TAFA2: variants seen among roughly 807,000 people sequenced by gnomAD.
TAFA2 encodes the protein chemokine-like protein TAFA-2.
TAFA2 carries 7 observed loss-of-function variants against 18.8 expected under a neutral mutation model. That is an observed-to-expected ratio of 0.37 (90% CI 0.21 to 0.70). TAFA2 has a LOEUF of 0.70. TAFA2 is among the 30% of genes least tolerant of loss of function. TAFA2 has a pLI of 0.53. For synonymous variants in TAFA2, 60 were observed against 54.2 expected (o/e 1.11, Z -0.47); for missense variants, 122 against 158.1 (o/e 0.77, Z 1.23).
At chr12:61,856,415 T>C (rs889689636) in intron 2 of TAFA2, among the ~76,000 whole-genome samples, 1 of 152,010 alleles carries the variant, frequency 6.6e-6, no homozygotes, top group African/African-American at 2.4e-5. Flanking sequence ...ACTTATCATC[T>C]TTAGTAATAA....
chr12:62,177,807 GT>G (rs1190229358), intron 1 of TAFA2, among the ~76,000 whole-genome samples: 2 of 151,972 alleles, frequency 1.3e-5, no homozygotes, highest in Non-Finnish European at 2.9e-5. Context: ...AGACCAGTTC[GT>G]TTCATCTCCT....
At chr12:61,945,005 AAG>A (rs1349626768) in intron 1 of TAFA2, among the ~76,000 whole-genome samples, 1 of 150,900 alleles carries the variant, frequency 6.6e-6, no homozygotes, top group East Asian at 2.0e-4. Flanking sequence ...ACAACCAAAA[AAG>A]AGAATTTTAG....
At chr12:61,998,931 T>C (rs1880289623) in intron 1 of TAFA2, among the ~76,000 whole-genome samples, 1 of 152,186 alleles carries the variant, frequency 6.6e-6, no homozygotes, top group African/African-American at 2.4e-5. Flanking sequence ...AGGCAGCAGC[T>C]CATATCCTGA....
chr12:61,897,407 C>G (rs550732958), intron 1 of TAFA2, among the ~76,000 whole-genome samples: 1 of 152,088 alleles, frequency 6.6e-6, no homozygotes, highest in Admixed American at 6.6e-5. Flanking sequence ...CTATAAAGAA[C>G]TGCCCAAGAC....
chr12:61,716,384 A>G (rs1219098414), intron 4 of TAFA2, among the ~76,000 whole-genome samples: 1 of 152,206 alleles, frequency 6.6e-6, no homozygotes, highest in Admixed American at 6.5e-5. Flanking sequence ...GGATATTATT[A>G]TGCCAAAAAA....
At chr12:62,257,044 A>G (rs989775455) in intron 1 of TAFA2, among the ~76,000 whole-genome samples, 3 of 152,130 alleles carry the variant, frequency 2.0e-5, no homozygotes, top group Admixed American at 1.3e-4. Flanking sequence ...TGGTTCCTGA[A>G]TATCAAAGAC....
At chr12:61,748,162 AGG>A (rs1202273685) in intron 4 of TAFA2, among the ~76,000 whole-genome samples, 2 of 151,950 alleles carry the variant, frequency 1.3e-5, no homozygotes, top group African/African-American at 4.8e-5. Flanking sequence ...GGAGGGAGAG[AGG>A]GAGGGAAGAT....
At chr12:62,228,510 A>G (rs2136982604) in intron 1 of TAFA2, among the ~76,000 whole-genome samples, 1 of 152,310 alleles carries the variant, frequency 6.6e-6, no homozygotes, top group South Asian at 2.1e-4. Context: ...CCAACAGTGC[A>G]TAAGCATTCC....
chr12:62,121,382 A>G (rs1364174340), intron 1 of TAFA2, among the ~76,000 whole-genome samples: 1 of 152,340 alleles, frequency 6.6e-6, no homozygotes, highest in Admixed American at 6.5e-5. Context: ...TCCAAAGTCC[A>G]CAATGATTTG....
intron 1 of TAFA2, among the ~76,000 whole-genome samples, chr12:62,091,556 T>C (rs1427616879): frequency 6.6e-6 from 1 of 151,938 alleles, no homozygotes; most frequent in Admixed American, 6.6e-5. Flanking sequence ...AAACTACCCA[T>C]GAAGCTGAGG....
At chr12:61,721,066 G>C in intron 4 of TAFA2, 1 of 408,174 alleles carries the variant, frequency 2.4e-6, no homozygotes, top group East Asian at 7.2e-5. Context: ...GCTCACAGTG[G>C]GGATAGGTTT....
intron 2 of TAFA2, among the ~76,000 whole-genome samples, chr12:61,761,186 G>A (rs1012421104): frequency 1.3e-5 from 2 of 151,930 alleles, no homozygotes; most frequent in African/African-American, 4.8e-5. Flanking sequence ...ATTTTGAAAC[G>A]AAGTCCCATA....
At chr12:62,084,876 G>A (rs1045388087) in intron 1 of TAFA2, among the ~76,000 whole-genome samples, 10 of 152,102 alleles carry the variant, frequency 6.6e-5, no homozygotes, top group Admixed American at 2.0e-4. Context: ...ATGCTGAATA[G>A]CATCAACAAG....
rs561039199 is a variant in TAFA2, at chr12:62,171,747, T to C, written c.-2+19512A>G. Among the ~76,000 whole-genome samples the C allele has an allele frequency of 2.4e-4, 37 of 152,308 alleles. No homozygotes were observed. In the South Asian group the frequency reaches 7.5e-3, roughly 31 times the overall value. Reference sequence around the variant, plus strand: ...ATTGCTATTGTTTATAAGCTACCAGTTTATGTTATTTTATTATAGCAGTCC... The same window carrying C: ...ATTGCTATTGTTTATAAGCTACCAGCTTATGTTATTTTATTATAGCAGTCC... On this transcript the variant is annotated intron_variant, in intron 1 of 4. Coordinates refer to ENST00000416284, the MANE Select transcript of TAFA2 (RefSeq NM_178539.5).
intron 1 of TAFA2, among the ~76,000 whole-genome samples, chr12:62,249,915 C>T (rs2062904486): frequency 6.6e-6 from 1 of 152,146 alleles, no homozygotes; most frequent in Non-Finnish European, 1.5e-5. Context: ...GGCAGTCTAG[C>T]AAGGGTGGTT....
chr12:62,134,244 T>G (rs778286645), intron 1 of TAFA2, among the ~76,000 whole-genome samples: 3 of 152,012 alleles, frequency 2.0e-5, no homozygotes, highest in Non-Finnish European at 4.4e-5. Flanking sequence ...TGTGGAGCCC[T>G]AATACCCAAT....
chr12:61,846,945 T>C (rs533827781), intron 2 of TAFA2, among the ~76,000 whole-genome samples: 4 of 152,214 alleles, frequency 2.6e-5, no homozygotes, highest in South Asian at 4.1e-4. Flanking sequence ...TTTGTGATCA[T>C]AGCTTGCAGT....
At chr12:61,861,460 G>T (rs1874125779) in intron 2 of TAFA2, among the ~76,000 whole-genome samples, 2 of 151,708 alleles carry the variant, frequency 1.3e-5, no homozygotes, top group African/African-American at 4.9e-5. Flanking sequence ...TCGCTTTGTT[G>T]TCCAGGCTGG....
intron 1 of TAFA2, among the ~76,000 whole-genome samples, chr12:62,058,807 A>T (rs912468578): frequency 1.3e-5 from 2 of 152,174 alleles, no homozygotes; most frequent in African/African-American, 4.8e-5. Context: ...AAGAAATTTT[A>T]AAAAATATAT....
Sources: allele counts gnomAD v4.1 joint callset (sites outside exome capture counted in the v4.1 genomes callset), GRCh38; gene constraint gnomAD v4.1.1; transcripts MANE v1.5; gene names NCBI Gene and HGNC (gene_info 2026-07-23, HGNC 2026-07-21).